MTOR: variants seen among roughly 807,000 people sequenced by gnomAD.
MTOR encodes the protein mechanistic target of rapamycin kinase.
Under a neutral mutation model 319.8 loss-of-function variants are expected in MTOR, and 70 were observed. The observed-to-expected ratio is 0.22, with a 90% CI of 0.18 to 0.27. The LOEUF (loss-of-function observed/expected upper bound fraction) is 0.27, where lower values mean the gene tolerates loss of function less well. Among genes scored for constraint, MTOR ranks in the 10% least tolerant of loss-of-function variants. The pLI, the probability that MTOR is intolerant of heterozygous loss-of-function variation, is 1.00. For synonymous variants in MTOR, 1,183 were observed against 1,211.4 expected (o/e 0.98, Z 0.49); for missense variants, 1,890 against 3,274.4 (o/e 0.58, Z 10.32).
chr1:11,196,344 C>T (rs1035959287), intron 28 of MTOR, among the ~76,000 whole-genome samples: 2 of 152,152 alleles, frequency 1.3e-5, no homozygotes, highest in Non-Finnish European at 2.9e-5. Context: ...AATCCTCTGT[C>T]CCCAAGAAAG....
rs774062876 is a variant in MTOR, at chr1:11,189,908, A to C, written c.4253+9350T>G. 14 of 1,613,782 alleles carry C rather than the reference A, an allele frequency of 8.7e-6. No individual in the cohort carries two copies. In the South Asian group the frequency reaches 1.5e-4, roughly 18 times the overall value. On this transcript the variant is annotated intron_variant, in intron 28 of 57. Coordinates refer to ENST00000361445, the MANE Select transcript of MTOR (RefSeq NM_004958.4). ...TACTCCGAGATGAACAACCAAATTG[A>C]CATCATGCAGCTGCAGGCAGCACAG...
rs562823709 is a variant in MTOR, at chr1:11,148,209, G to A, written c.4571-1418C>T. ...GAACTTTAAAATGGAGGCACAGGCT[G>A]AGCATGCAAAGCAGAAATCTGGAAA... On this transcript the variant is annotated intron_variant, in intron 31 of 57. Transcript: ENST00000361445. Among the ~76,000 whole-genome samples, 6 of 152,210 alleles carry A rather than the reference G, an allele frequency of 3.9e-5. No individual in the cohort carries two copies. In the South Asian group the frequency reaches 1.2e-3, roughly 32 times the overall value.
intron 13 of MTOR, among the ~76,000 whole-genome samples, chr1:11,234,616 G>A (rs1480791322): frequency 6.6e-6 from 1 of 152,210 alleles, no homozygotes; most frequent in Non-Finnish European, 1.5e-5. Context: ...CTATAAAAAT[G>A]AGGAAAGAAG....
rs567905477 is a variant in MTOR at position 11,194,791 on chromosome 1, C to T, written c.4253+4467G>A. On this transcript the variant is annotated intron_variant, in intron 28 of 57. Coordinates refer to ENST00000361445, the MANE Select transcript of MTOR (RefSeq NM_004958.4). ...ATTCTTTCTGACCCTGGCTCTAACTCCTTACCTGATGTCTGGTCTATCACA... is the reference window on the plus strand; with the variant it reads ...ATTCTTTCTGACCCTGGCTCTAACTTCTTACCTGATGTCTGGTCTATCACA... 42 of 1,603,302 alleles carry T rather than the reference C, an allele frequency of 2.6e-5. No individual in the cohort carries two copies. The African/African-American group carries it at 4.1e-4, about 16-fold the overall frequency.
At chr1:11,255,553 T>C (rs2100972942) in intron 5 of MTOR, among the ~76,000 whole-genome samples, 1 of 152,112 alleles carries the variant, frequency 6.6e-6, no homozygotes, top group South Asian at 2.1e-4. Context: ...ATACTGAGCA[T>C]AAAAAATTCA....
At chr1:11,228,165 T>C (rs933060077) in intron 19 of MTOR, among the ~76,000 whole-genome samples, 1 of 151,794 alleles carries the variant, frequency 6.6e-6, no homozygotes, top group African/African-American at 2.4e-5. Flanking sequence ...TGACAATGCT[T>C]TTCCTCCCCC....
chr1:11,247,568 C>G (rs1435263368), intron 8 of MTOR, 57 bp downstream of exon 8: 4 of 1,502,556 alleles, frequency 2.7e-6, no homozygotes, highest in South Asian at 1.1e-5. Context: ...TTTCTGGAAT[C>G]ACCTGTTCCC....
intron 36 of MTOR, among the ~76,000 whole-genome samples, chr1:11,135,256 A>T (rs1643347772): frequency 6.6e-6 from 1 of 152,190 alleles, no homozygotes; most frequent in Admixed American, 6.5e-5. Context: ...GGGAAAAACA[A>T]ATCTTTTCTG....
At chr1:11,248,361 C>T (rs1569801319) in intron 6 of MTOR, among the ~76,000 whole-genome samples, 1 of 152,158 alleles carries the variant, frequency 6.6e-6, no homozygotes, top group East Asian at 1.9e-4. Context: ...TCTCACCTCC[C>T]AGGACTCCTC....
At position 11,214,748 on chromosome 1, in the gene MTOR, C is replaced by T. The variant is rs1375261327; in HGVS notation, c.3118-1182G>A. On this transcript the variant is annotated intron_variant, in intron 20 of 57. Transcript: ENST00000361445. ...GAGAGAAGTATTCTCTCTGAAAAAG[C>T]TGTGTTTTCTAGGTTAAAAGTGTTG... Among the ~76,000 whole-genome samples, 6 of 152,310 alleles carry T rather than the reference C, an allele frequency of 3.9e-5. No homozygotes were observed. The South Asian group carries it at 1.2e-3, about 32-fold the overall frequency.
chr1:11,185,022 A>C (rs979785168), intron 28 of MTOR, among the ~76,000 whole-genome samples: 1 of 152,182 alleles, frequency 6.6e-6, no homozygotes, highest in Non-Finnish European at 1.5e-5. Context: ...TTTGCTTACA[A>C]CATCCTCTCC....
Position 11,109,661 on chromosome 1 carries a change from T to C in MTOR, c.7435A>G (p.Ile2479Val), listed in dbSNP as rs372238571. 20 of 1,614,106 alleles carry C rather than the reference T, an allele frequency of 1.2e-5. No individual in the cohort carries two copies. Among genetic ancestry groups the C allele is most frequent in the South Asian group, 2.2e-5 (2 of 91,090 alleles). The change falls in exon 55 of 58, where the codon ATT (isoleucine) becomes GTT (valine). Residue 2479 changes from isoleucine (I) to valine (V), a missense_variant. Coordinates refer to ENST00000361445, the MANE Select transcript of MTOR (RefSeq NM_004958.4). This position sits in a 1 kb window ranked among gnomAD's most constrained non-coding sequence, Gnocchi z 4.0. Reference sequence around the variant, plus strand: ...AGGCTGAACTTACTGAAAGAATGAATAGATTCTGGCACTGTGGTCCCCGTT... The same window carrying C: ...AGGCTGAACTTACTGAAAGAATGAACAGATTCTGGCACTGTGGTCCCCGTT... The part of the protein sequence containing the change: ...KKTGTTVPES[I>V]HSFIGDGLVK...
chr1:11,179,053 T>C (rs1037490961), intron 28 of MTOR, among the ~76,000 whole-genome samples: 2 of 152,208 alleles, frequency 1.3e-5, no homozygotes, highest in South Asian at 4.1e-4. Flanking sequence ...TTCTTGGTAA[T>C]GGATGCCTCA....
At chr1:11,118,782 A>C (rs562205687) in intron 49 of MTOR, among the ~76,000 whole-genome samples, 8 of 152,034 alleles carry the variant, frequency 5.3e-5, no homozygotes, top group African/African-American at 1.7e-4. Context: ...AAGTGCCATC[A>C]TGCCCGGCTA....
rs1642057622 is a variant in MTOR, at chr1:11,114,470, G to C, written c.7165-17C>G. 6.2e-7 allele frequency: 1 copy of C among 1,613,996 alleles called. No individual in the cohort carries two copies. The highest frequency in any genetic ancestry group is 1.3e-5 in the African/African-American group (1 of 74,926). ...GCCTGTAACCTAGAAATGGGACAGA[G>C]CCACTCACCACAGGAGTTACTAACT... On this transcript the variant is annotated splice_polypyrimidine_tract_variant and intron_variant, in intron 52 of 57. Coordinates refer to ENST00000361445, the MANE Select transcript of MTOR (RefSeq NM_004958.4).
chr1:11,211,070 A>G (rs1250658369), intron 23 of MTOR, among the ~76,000 whole-genome samples, 164 bp from the exon 24 acceptor site: 1 of 152,246 alleles, frequency 6.6e-6, no homozygotes, highest in African/African-American at 2.4e-5. Flanking sequence ...TTATAATCCT[A>G]GTTCAAGTCC....
rs746484379 is a variant in MTOR, at chr1:11,194,987, G to C, written c.4253+4271C>G. On this transcript the variant is annotated intron_variant, in intron 28 of 57. Transcript: ENST00000361445. ...GATCTACCTACTCCCTCAAACGGGT[G>C]GAGATGAAAATCCGCCCAGAAGACT... The C allele has an allele frequency of 1.9e-5, 31 of 1,614,032 alleles. 1 individual carries two copies. In the Middle Eastern group the frequency reaches 2.5e-3, roughly 131 times the overall value.
chr1:11,110,717 G>C (rs1641818226), intron 54 of MTOR, among the ~76,000 whole-genome samples: 1 of 152,060 alleles, frequency 6.6e-6, no homozygotes. Flanking sequence ...TTCTATTAAT[G>C]ATCCATTGGA....
At chr1:11,118,423 G>T (rs1291790881) in intron 49 of MTOR, among the ~76,000 whole-genome samples, 1 of 151,214 alleles carries the variant, frequency 6.6e-6, no homozygotes, top group African/African-American at 2.4e-5. Context: ...TTTTAGTAGA[G>T]ACAGGGTTTC....
Sources: gnomAD v4.1 joint callset for allele counts (sites outside exome capture counted in the v4.1 genomes callset) on GRCh38, gnomAD v4.1.1 for gene constraint, Gnocchi (gnomAD v3.1) non-coding constraint, MANE v1.5 for transcripts, NCBI Gene and HGNC (gene_info 2026-07-23, HGNC 2026-07-21) for gene names.